CDCA5: variants seen among roughly 807,000 people sequenced by gnomAD.
CDCA5 encodes the protein sororin.
CDCA5 carries 14 observed loss-of-function variants against 25.7 expected under a neutral mutation model. The observed-to-expected ratio is 0.54, with a 90% CI of 0.36 to 0.85. CDCA5 has a LOEUF of 0.85. CDCA5 is among the 40% of genes least tolerant of loss of function. The pLI, the probability that CDCA5 is intolerant of heterozygous loss-of-function variation, is 0.01. For synonymous variants in CDCA5, 127 were observed against 128.7 expected (o/e 0.99, Z 0.09); for missense variants, 307 against 324.5 (o/e 0.95, Z 0.41).
downstream of CDCA5, among the ~76,000 whole-genome samples, chr11:65,063,375 G>A (rs1947203384): frequency 1.3e-5 from 2 of 152,218 alleles, no homozygotes; most frequent in African/African-American, 4.8e-5. Flanking sequence ...CTGGTACTCA[G>A]AGCTGCTCCC....
At chr11:65,072,105 T>A (rs1380065348) in intron 1 of CDCA5, among the ~76,000 whole-genome samples, 1 of 152,234 alleles carries the variant, frequency 6.6e-6, no homozygotes, top group Non-Finnish European at 1.5e-5. Flanking sequence ...GGAACTCTGC[T>A]GGCTGCTTTG....
downstream of CDCA5, chr11:65,066,195 G>C: frequency 3.0e-6 from 1 of 333,174 alleles, no homozygotes; most frequent in East Asian, 1.1e-4. Flanking sequence ...GAGGGAGTGG[G>C]GGTGATGTCA....
rs570301807 is a variant in CDCA5, at chr11:65,079,183, G to A, written c.683C>T (p.Thr228Met). 35 of 1,525,274 alleles carry A rather than the reference G, an allele frequency of 2.3e-5. 1 individual carries two copies. Among genetic ancestry groups the A allele is most frequent in the East Asian group, 1.1e-4 (5 of 44,100 alleles). The allele number at this position is 1,525,274 out of a possible 1,614,324, so 94.5% of individuals were successfully genotyped here. A position where few individuals can be genotyped will look rare whatever the true frequency, so the allele number is the denominator to read the frequency against. The change falls in exon 6 of 6, where the codon ACG becomes ATG. Residue 228 changes from threonine to methionine, a missense_variant. By Grantham distance (81) the Thr-to-Met change is moderately conservative (BLOSUM62 -1). Transcript: ENST00000275517. ...GGCCGCAGCCCACTCATCCAGCTCC[G>A]TTTTCTGAGGGAAGAGAAATGAGGA... ...KKKKMPEILK[T>M]ELDEWAAAMN...
intron 4 of CDCA5, 49 bp from the exon 5 acceptor site, chr11:65,079,836 T>C: frequency 2.9e-6 from 4 of 1,358,492 alleles, no homozygotes; most frequent in Non-Finnish European, 3.9e-6. Context: ...GCTGGACTGC[T>C]TACTTCCAGA....
Position 65,068,361 on chromosome 11 carries a change from G to C in CDCA5, c.177+127C>G, listed in dbSNP as rs1378540242. ...CTGAACCCAGGAGCTGGGCCTGGAC[G>C]CCCTGACAGCTGGAAGCTGGGTGTG... is the stretch of plus-strand genomic sequence containing the variant. On this transcript the variant is annotated intron_variant, in intron 2 of 6. Transcript: ENST00000525464. 5.6e-6 allele frequency: 3 copies of C among 533,596 alleles called. No individual in the cohort carries two copies. In the East Asian group the frequency reaches 2.1e-4, roughly 37 times the overall value. The allele number at this position is 533,596 out of a possible 1,614,324, so 33.1% of individuals were successfully genotyped here. A position where few individuals can be genotyped will look rare whatever the true frequency, so the allele number is the denominator to read the frequency against.
At chr11:65,066,107 C>T (rs1947231128), downstream of CDCA5, among the ~76,000 whole-genome samples, 2 of 152,030 alleles carry the variant, frequency 1.3e-5, no homozygotes, top group Admixed American at 1.3e-4. Context: ...TGACAACAAC[C>T]AGGCCTGGAA....
intron 1 of CDCA5, among the ~76,000 whole-genome samples, chr11:65,071,670 A>G (rs1947346160): frequency 6.6e-6 from 1 of 152,184 alleles, no homozygotes; most frequent in South Asian, 2.1e-4. Context: ...ATTTTTTGCT[A>G]AATCTAGCAA....
chr11:65,076,514 C>A (rs1947448145), downstream of CDCA5, among the ~76,000 whole-genome samples: 1 of 152,048 alleles, frequency 6.6e-6, no homozygotes, highest in African/African-American at 2.4e-5. Flanking sequence ...GATCAAAAAC[C>A]AAAGTGGAAA....
At chr11:65,074,887 C>T (rs984538188), downstream of CDCA5, among the ~76,000 whole-genome samples, 3 of 151,618 alleles carry the variant, frequency 2.0e-5, no homozygotes, top group Non-Finnish European at 2.9e-5. Context: ...CATGGAGAAA[C>T]CCCGTCTCTT....
At chr11:65,072,590 C>T (rs1437326755), downstream of CDCA5, among the ~76,000 whole-genome samples, 1 of 152,216 alleles carries the variant, frequency 6.6e-6, no homozygotes, top group African/African-American at 2.4e-5. Context: ...CACCTGTGCC[C>T]CTCCTACCAG....
intron 1 of CDCA5, among the ~76,000 whole-genome samples, chr11:65,069,768 G>A (rs1198389040): frequency 6.6e-6 from 1 of 152,268 alleles, no homozygotes. Context: ...GAAGTGGTAA[G>A]GAAACAAAGA....
At position 65,078,124 on chromosome 11, in the gene CDCA5, C is replaced by T. The variant is rs541375373; in HGVS notation, c.*983G>A. 5 of 985,066 alleles carry T rather than the reference C, an allele frequency of 5.1e-6. No individual in the cohort carries two copies. Among genetic ancestry groups the T allele is most frequent in the African/African-American group, 1.7e-5 (1 of 57,216 alleles). 61.0% of individuals were successfully genotyped at this position (985,066 alleles called of 1,614,324 possible). Reference sequence around the variant, plus strand: ...GCTGTCTGGTACGCGAGGAAACTTTCCGAGGACTTTACAAGCATAGTTGCA... The same window carrying T: ...GCTGTCTGGTACGCGAGGAAACTTTTCGAGGACTTTACAAGCATAGTTGCA... On this transcript the variant is annotated 3_prime_UTR_variant, in exon 6 of 6. Transcript: ENST00000275517.
chr11:65,066,523 C>T (rs1440648908), intron 6 of CDCA5: 5 of 1,289,262 alleles, frequency 3.9e-6, no homozygotes, highest in Middle Eastern at 2.1e-4. Flanking sequence ...CCGCCTCTTC[C>T]CTCCCCGCTG....
intron 4 of CDCA5, among the ~76,000 whole-genome samples, chr11:65,082,459 C>CTT (rs35061489): frequency 9.3e-4 from 96 of 103,046 alleles, no homozygotes; most frequent in Middle Eastern, 5.4e-3. Flanking sequence ...ACCTACTTGT[C>CTT]TTTTTTTTTT....
rs1191543619 is a variant in CDCA5, at chr11:65,077,557, T to C, written c.*1550A>G. ...TCAGGAACAGAGAACTTTGCAATGA[T>C]GATCTCAACTCTGCATCATCTGGTG... On this transcript the variant is annotated 3_prime_UTR_variant, in exon 6 of 6. Coordinates refer to ENST00000275517, the MANE Select transcript of CDCA5 (RefSeq NM_080668.4). 1 of 985,362 alleles carries C rather than the reference T, an allele frequency of 1.0e-6. No homozygotes were observed. Among genetic ancestry groups the C allele is most frequent in the Non-Finnish European group, 1.2e-6 (1 of 829,932 alleles). 61.0% of individuals were successfully genotyped at this position (985,362 alleles called of 1,614,324 possible).
At chr11:65,061,124 G>A in the CDCA5 span, among the ~76,000 whole-genome samples, 2 of 152,226 alleles carry the variant, frequency 1.3e-5, no homozygotes, top group African/African-American at 2.4e-5. Context: ...CTTCTTCTGC[G>A]CCTGCACCCT....
At chr11:65,083,793 A>T (rs1292631758) in intron 1 of CDCA5, 70 bp from the exon 2 acceptor site, 3 of 1,577,410 alleles carry the variant, frequency 1.9e-6, no homozygotes. Context: ...CAGGTTCTAG[A>T]GACAGCGAGA....
chr11:65,074,352 T>A (rs191934623), downstream of CDCA5, among the ~76,000 whole-genome samples: 17 of 152,296 alleles, frequency 1.1e-4, no homozygotes, highest in East Asian at 2.9e-3. Flanking sequence ...GGATTACAAG[T>A]GTGAGCCACC....
At chr11:65,072,404 C>T (rs1315447950) in intron 1 of CDCA5, among the ~76,000 whole-genome samples, 1 of 152,202 alleles carries the variant, frequency 6.6e-6, no homozygotes, top group African/African-American at 2.4e-5. Context: ...GGTCCATAGG[C>T]TGTGTGGGGA....
Sources: gnomAD v4.1 joint callset for allele counts (sites outside exome capture counted in the v4.1 genomes callset) on GRCh38, gnomAD v4.1.1 for gene constraint, MANE v1.5 for transcripts, NCBI Gene and HGNC (gene_info 2026-07-23, HGNC 2026-07-21) for gene names.